Variants in COL7A1 observed in about 807,000 individuals in gnomAD.
COL7A1 encodes the protein collagen type VII alpha 1 chain, also known as collagen alpha-1(VII) chain.
In COL7A1, 296 loss-of-function variants were observed where a neutral mutation model predicts 456.2. That is an observed-to-expected ratio of 0.65 (90% CI 0.59 to 0.71). The LOEUF (loss-of-function observed/expected upper bound fraction) is 0.71, where lower values mean the gene tolerates loss of function less well. Among genes scored for constraint, COL7A1 ranks in the 30% least tolerant of loss-of-function variants. COL7A1 has a pLI of 0.00. For missense variants in COL7A1, 3,441 were observed against 4,017.2 expected (o/e 0.86, Z 3.88); for synonymous variants, 1,464 against 1,525.9 (o/e 0.96, Z 0.95).
chr3:48,588,940 G>A lies in COL7A1; in HGVS notation c.2370C>T (p.Asp790=), dbSNP rs368234577. ...SRLQILNASS[D]VLRITWVGVT... is the part of the protein sequence containing the mutation. ...CCCCTACCCAGGTGATCCGTAGAAC[G>A]TCGCTGGAAGCATTGAGGATCTGCA... The change falls in exon 19 of 119, where the codon GAC becomes GAT. Residue 790 remains aspartate, a synonymous_variant. Transcript: ENST00000681320. The surrounding 1 kb of genome is among the most constrained non-coding windows in gnomAD (Gnocchi z 4.6). 19 of 1,613,598 alleles carry A rather than the reference G, an allele frequency of 1.2e-5. No individual in the cohort carries two copies. Among genetic ancestry groups the A allele is most frequent in the South Asian group, 1.1e-4 (10 of 91,092 alleles).
chr3:48,583,107 A>AC lies in COL7A1; in HGVS notation c.4482+19dup, dbSNP rs747008661. ...GCCCAGATCCTCCAGGGCCCTTGGC[A>AC]CCCCCCAGGTTGCACTTACCTTCTC... On this transcript the variant is annotated intron_variant, in intron 43 of 118. Transcript: ENST00000681320. The surrounding 1 kb of genome is among the most constrained non-coding windows in gnomAD (Gnocchi z 5.1). 2 of 1,613,508 alleles carry AC rather than the reference A, an allele frequency of 1.2e-6. No individual in the cohort carries two copies. Among genetic ancestry groups the AC allele is most frequent in the Admixed American group, 1.7e-5 (1 of 59,956 alleles).
chr3:48,567,747 G>T lies in COL7A1; in HGVS notation c.7946C>A (p.Pro2649Gln). ...GTGTCCTGCCAGCCCGGGGCGGCCT[G>T]GGGGACCAGCTTCTCCCTGCAGGCA... is the stretch of plus-strand genomic sequence containing the variant. ...EKGDKGEAGP[P>Q]GRPGLAGHKG... The change falls in exon 108 of 119, where the codon CCA becomes CAA. Residue 2649 changes from proline (P) to glutamine (Q), a missense_variant. By Grantham distance (76) the Pro-to-Gln change is moderately conservative. Transcript: ENST00000681320. The surrounding 1 kb of genome is among the most constrained non-coding windows in gnomAD (Gnocchi z 4.3). The T allele has an allele frequency of 6.2e-7, 1 of 1,614,146 alleles. No individual in the cohort carries two copies.
In COL7A1 at chr3:48,587,261, G is replaced by C; in HGVS notation, c.3068C>G (p.Ser1023Cys). The change falls in exon 24 of 119, where the codon TCT becomes TGT. Residue 1023 changes from serine (S) to cysteine (C), a missense_variant. Physicochemically the swap from Ser to Cys is moderately radical, Grantham distance 112 (BLOSUM62 -1). Coordinates refer to ENST00000681320, the MANE Select transcript of COL7A1 (RefSeq NM_000094.4). This position sits in a 1 kb window ranked among gnomAD's most constrained non-coding sequence, Gnocchi z 6.1. ...GACAGGCGTCAGGGAGAAGATGTAA[G>C]AGACGCCAGGCTCTAGCCCTGTCAC... is the stretch of plus-strand genomic sequence containing the variant. ...QRVTGLEPGVSYIFSLTPVLD... is the reference protein window; with the variant it reads ...QRVTGLEPGVCYIFSLTPVLD... 6.2e-7 allele frequency: 1 copy of C among 1,612,258 alleles called. No individual in the cohort carries two copies. Among genetic ancestry groups the C allele is most frequent in the Non-Finnish European group, 8.5e-7 (1 of 1,179,228 alleles).
Position 48,580,174 on chromosome 3 carries a change from C to G in COL7A1, c.5098-117G>C, listed in dbSNP as rs140744693. The G allele has an allele frequency of 7.4e-5, 113 of 1,525,836 alleles. No homozygotes were observed. The African/African-American group carries it at 1.4e-3, about 19-fold the overall frequency. 94.5% of individuals were successfully genotyped at this position (1,525,836 alleles called of 1,614,324 possible). Reference sequence around the variant, plus strand: ...CCCGAAGCACCCCAATGCCAGCCCCCAGCAGGCATGGGTGGCCATCCATGC... The same window carrying G: ...CCCGAAGCACCCCAATGCCAGCCCCGAGCAGGCATGGGTGGCCATCCATGC... On this transcript the variant is annotated intron_variant, in intron 56 of 118. Transcript: ENST00000681320. This position sits in a 1 kb window ranked among gnomAD's most constrained non-coding sequence, Gnocchi z 4.5.
chr3:48,576,863 G>T, intron 67 of COL7A1, 21 bp downstream of exon 67: 1 of 1,614,094 alleles, frequency 6.2e-7, no homozygotes, highest in Non-Finnish European at 8.5e-7. Context: ...GTCAGAGGTT[G>T]CAGAAAACTC....
chr3:48,586,656 G>T lies in COL7A1; in HGVS notation c.3310C>A (p.Pro1104Thr). The T allele has an allele frequency of 3.7e-6, 6 of 1,610,664 alleles. No individual in the cohort carries two copies. Among genetic ancestry groups the T allele is most frequent in the South Asian group, 2.2e-5 (2 of 90,706 alleles). ...GLLSYSHRPSPLFPLNGSHDL... is the reference protein window; with the variant it reads ...GLLSYSHRPSTLFPLNGSHDL... The stretch of plus-strand genomic sequence containing the variant: ...TGGGAGCCATTCAGTGGGAACAGTG[G>T]GGAGGGCCGATGACTGTAAGACAGC... The change falls in exon 26 of 119, where the codon CCA becomes ACA. Residue 1104 changes from proline to threonine, a missense_variant. Pro to Thr is a conservative substitution (Grantham distance 38). This residue lies in a region of COL7A1 where 444 missense variants were observed against 427.6 expected (regional missense o/e 1.04). Coordinates refer to ENST00000681320, the MANE Select transcript of COL7A1 (RefSeq NM_000094.4). The surrounding 1 kb of genome is among the most constrained non-coding windows in gnomAD (Gnocchi z 5.1).
chr3:48,585,763 C>A lies in COL7A1; in HGVS notation c.3787-29G>T. 1 of 1,614,006 alleles carries A rather than the reference C, an allele frequency of 6.2e-7. No homozygotes were observed. Among genetic ancestry groups the A allele is most frequent in the Non-Finnish European group, 8.5e-7 (1 of 1,180,000 alleles). ...GGAAGGGTAATCAGTGAGACCTGTG[C>A]TGCCAACCTCTCCTGCCCCACTGAC... On this transcript the variant is annotated intron_variant, in intron 30 of 118. Transcript: ENST00000681320. The surrounding 1 kb of genome is among the most constrained non-coding windows in gnomAD (Gnocchi z 4.5).
In COL7A1 at chr3:48,592,258, G is replaced by C; in HGVS notation, c.1094-10C>G. ...TGCTGTGTGGGCCCACCTGCATGGGGGACACCAAGGGGCCAGTGGGCCTTG... is the reference window on the plus strand; with the variant it reads ...TGCTGTGTGGGCCCACCTGCATGGGCGACACCAAGGGGCCAGTGGGCCTTG... On this transcript the variant is annotated splice_polypyrimidine_tract_variant and intron_variant, in intron 9 of 118. Coordinates refer to ENST00000681320, the MANE Select transcript of COL7A1 (RefSeq NM_000094.4). The surrounding 1 kb of genome is among the most constrained non-coding windows in gnomAD (Gnocchi z 7.6). The C allele has an allele frequency of 3.1e-6, 5 of 1,613,790 alleles. No homozygotes were observed. The highest frequency in any genetic ancestry group is 4.2e-6 in the Non-Finnish European group (5 of 1,179,984).
Position 48,564,807 on chromosome 3 carries a change from G to A in COL7A1, c.8794C>T (p.Arg2932Trp), listed in dbSNP as rs752160116. 40 of 1,613,840 alleles carry A rather than the reference G, an allele frequency of 2.5e-5. No homozygotes were observed. The highest frequency in any genetic ancestry group is 1.3e-4 in the East Asian group (6 of 44,888). ...CCTGTCCCCTGGCTCTGGACCACCC[G>A]GGGTGGGCAGCGGCGCTCGCAGGCC... is the stretch of plus-strand genomic sequence containing the variant. ...REACERRCPP[R>W]VVQSQGTGTA... The change falls in exon 118 of 119, where the codon CGG becomes TGG. Residue 2932 changes from arginine (R) to tryptophan (W), a missense_variant. Physicochemically the swap from Arg to Trp is moderately radical, Grantham distance 101. Around this residue, in one of 3 missense-constraint regions of COL7A1, gnomAD observed 2,084 missense variants for 2,501.3 expected, o/e 0.83. Coordinates refer to ENST00000681320, the MANE Select transcript of COL7A1 (RefSeq NM_000094.4). The surrounding 1 kb of genome is among the most constrained non-coding windows in gnomAD (Gnocchi z 6.0).
rs779764597 is a variant in COL7A1 at position 48,572,977 on chromosome 3, G to C, written c.6751-35C>G. Reference sequence around the variant, plus strand: ...AAGAGCTCTGTCAGGGCTGCCTGTCGACCCTTGACCCCTGGAGCCCAACCC... The same window carrying C: ...AAGAGCTCTGTCAGGGCTGCCTGTCCACCCTTGACCCCTGGAGCCCAACCC... On this transcript the variant is annotated intron_variant, in intron 86 of 118. Transcript: ENST00000681320. This position sits in a 1 kb window ranked among gnomAD's most constrained non-coding sequence, Gnocchi z 4.6. The C allele has an allele frequency of 6.2e-7, 1 of 1,613,956 alleles. No individual in the cohort carries two copies. Among genetic ancestry groups the C allele is most frequent in the Admixed American group, 1.7e-5 (1 of 60,016 alleles).
Position 48,578,877 on chromosome 3 carries a change from C to T in COL7A1, c.5424+42G>A, listed in dbSNP as rs766609913. 1 of 1,594,686 alleles carries T rather than the reference C, an allele frequency of 6.3e-7. No individual in the cohort carries two copies. Among genetic ancestry groups the T allele is most frequent in the South Asian group, 1.1e-5 (1 of 88,916 alleles). On this transcript the variant is annotated intron_variant, in intron 63 of 118. Coordinates refer to ENST00000681320, the MANE Select transcript of COL7A1 (RefSeq NM_000094.4). This position sits in a 1 kb window ranked among gnomAD's most constrained non-coding sequence, Gnocchi z 4.7. ...TATGATGATCTGGTTGGAGCTTACG[C>T]AGCCCCGAGCCCCCTCTGTCCCAGC...
Position 48,586,828 on chromosome 3 carries a change from G to T in COL7A1, c.3277-139C>A. 1.3e-6 allele frequency: 2 copies of T among 1,500,828 alleles called. No homozygotes were observed. Among genetic ancestry groups the T allele is most frequent in the Non-Finnish European group, 1.8e-6 (2 of 1,105,910 alleles). The allele number at this position is 1,500,828 out of a possible 1,614,324, so 93.0% of individuals were successfully genotyped here. ...GTCAGCAGTGATGGCAGGATAGGGA[G>T]CCAGGCAGTAGGTGAGGTCTGGAGC... On this transcript the variant is annotated intron_variant, in intron 25 of 118. Coordinates refer to ENST00000681320, the MANE Select transcript of COL7A1 (RefSeq NM_000094.4). This position sits in a 1 kb window ranked among gnomAD's most constrained non-coding sequence, Gnocchi z 5.1.
rs747337505 is a variant in COL7A1 at position 48,587,907 on chromosome 3, C to T, written c.2743G>A (p.Glu915Lys). 13 of 1,605,324 alleles carry T rather than the reference C, an allele frequency of 8.1e-6. No homozygotes were observed. The highest frequency in any genetic ancestry group is 2.3e-5 in the East Asian group (1 of 44,396). ...GQEQSRVLGP[E>K]LSSYHLDGLE... ...CCGTCCAGGTGATAGCTGCTGAGCTCGGGCCCCAGGACCCGGGACTGTTCC... is the reference window on the plus strand; with the variant it reads ...CCGTCCAGGTGATAGCTGCTGAGCTTGGGCCCCAGGACCCGGGACTGTTCC... The change falls in exon 22 of 119, where the codon GAG becomes AAG. Residue 915 changes from glutamate to lysine, a missense_variant. Physicochemically the swap from Glu to Lys is moderately conservative, Grantham distance 56. This residue lies in a region of COL7A1 where 444 missense variants were observed against 427.6 expected (regional missense o/e 1.04). Coordinates refer to ENST00000681320, the MANE Select transcript of COL7A1 (RefSeq NM_000094.4). This position sits in a 1 kb window ranked among gnomAD's most constrained non-coding sequence, Gnocchi z 6.1.
At position 48,582,468 on chromosome 3, in the gene COL7A1, G is replaced by A. The variant is rs2107718768; in HGVS notation, c.4599+10C>T. 8 of 1,614,146 alleles carry A rather than the reference G, an allele frequency of 5.0e-6. No individual in the cohort carries two copies. The highest frequency in any genetic ancestry group is 4.5e-5 in the East Asian group (2 of 44,874). On this transcript the variant is annotated intron_variant, in intron 46 of 118. Transcript: ENST00000681320. Reference sequence around the variant, plus strand: ...GTACCAGACAGTGCCACCCCCAGCCGAGGACCCACCTTCTCTCCTTGGCGG... The same window carrying A: ...GTACCAGACAGTGCCACCCCCAGCCAAGGACCCACCTTCTCTCCTTGGCGG...
rs2045171307 is a variant in COL7A1, at chr3:48,585,441, C to T, written c.3894+116G>A. Reference sequence around the variant, plus strand: ...CTCTGTGGTGGTTTATAACCTCCAGCTGGGCTTCTAGGAATTCCCGATGAT... The same window carrying T: ...CTCTGTGGTGGTTTATAACCTCCAGTTGGGCTTCTAGGAATTCCCGATGAT... On this transcript the variant is annotated intron_variant, in intron 32 of 118. Coordinates refer to ENST00000681320, the MANE Select transcript of COL7A1 (RefSeq NM_000094.4). This position sits in a 1 kb window ranked among gnomAD's most constrained non-coding sequence, Gnocchi z 4.5. 3.2e-6 allele frequency: 4 copies of T among 1,251,744 alleles called. No individual in the cohort carries two copies. Among genetic ancestry groups the T allele is most frequent in the Non-Finnish European group, 4.7e-6 (4 of 859,936 alleles). 77.5% of individuals were successfully genotyped at this position (1,251,744 alleles called of 1,614,324 possible).
chr3:48,572,219 T>A lies in COL7A1; in HGVS notation c.6979-48A>T. 1 of 1,613,818 alleles carries A rather than the reference T, an allele frequency of 6.2e-7. No individual in the cohort carries two copies. Among genetic ancestry groups the A allele is most frequent in the Non-Finnish European group, 8.5e-7 (1 of 1,179,836 alleles). Reference sequence around the variant, plus strand: ...AACACAGGCATCAGTCACAGAAAGATGAGACTCCGGAGGGAGGCATGGGGC... The same window carrying A: ...AACACAGGCATCAGTCACAGAAAGAAGAGACTCCGGAGGGAGGCATGGGGC... On this transcript the variant is annotated intron_variant, in intron 90 of 118. Coordinates refer to ENST00000681320, the MANE Select transcript of COL7A1 (RefSeq NM_000094.4). This position sits in a 1 kb window ranked among gnomAD's most constrained non-coding sequence, Gnocchi z 4.6.
rs565269565 is a variant in COL7A1 at position 48,578,229 on chromosome 3, C to T, written c.5532+92G>A. ...CTGGGCCAGGATGCATGTGTCTACACGTGTGCCTCATGTGTTGCTACAGAT... is the reference window on the plus strand; with the variant it reads ...CTGGGCCAGGATGCATGTGTCTACATGTGTGCCTCATGTGTTGCTACAGAT... On this transcript the variant is annotated intron_variant, in intron 65 of 118. Transcript: ENST00000681320. The surrounding 1 kb of genome is among the most constrained non-coding windows in gnomAD (Gnocchi z 4.7). 96 of 1,438,360 alleles carry T rather than the reference C, an allele frequency of 6.7e-5. No homozygotes were observed. The South Asian group carries it at 9.1e-4, about 14-fold the overall frequency. 89.1% of individuals were successfully genotyped at this position (1,438,360 alleles called of 1,614,324 possible).
rs543956259 is a variant in COL7A1 at position 48,594,021 on chromosome 3, G to A, written c.267-325C>T. Among the ~76,000 whole-genome samples, 7 of 152,344 alleles carry A rather than the reference G, an allele frequency of 4.6e-5. No individual in the cohort carries two copies. The East Asian group carries it at 1.4e-3, about 29-fold the overall frequency. The stretch of plus-strand genomic sequence containing the variant: ...TAGGAAAGTGGATGCTGGCCAGATG[G>A]AGCACCTCTGGTGAACGGCTGCAAG... On this transcript the variant is annotated intron_variant, in intron 3 of 118. Coordinates refer to ENST00000681320, the MANE Select transcript of COL7A1 (RefSeq NM_000094.4). This position sits in a 1 kb window ranked among gnomAD's most constrained non-coding sequence, Gnocchi z 5.5.
In COL7A1 at chr3:48,584,427, C is replaced by A. The variant is rs756261610; in HGVS notation, c.4120-52G>T. ...GCAACCCCACAGACCTCACTCTCGC[C>A]CCCCTCGTGTTGGTCCCCCCACTAC... On this transcript the variant is annotated intron_variant, in intron 36 of 118. Coordinates refer to ENST00000681320, the MANE Select transcript of COL7A1 (RefSeq NM_000094.4). 3 of 1,613,354 alleles carry A rather than the reference C, an allele frequency of 1.9e-6. No individual in the cohort carries two copies. In the South Asian group the frequency reaches 3.3e-5, roughly 18 times the overall value.
Sources: gnomAD v4.1 joint callset for allele counts (sites outside exome capture counted in the v4.1 genomes callset) on GRCh38, gnomAD v4.1.1 for gene constraint, gnomAD v4.1.1 regional missense constraint, Gnocchi (gnomAD v3.1) non-coding constraint, MANE v1.5 for transcripts, NCBI Gene and HGNC (gene_info 2026-07-23, HGNC 2026-07-21) for gene names.